ANK3: variants seen among roughly 807,000 people sequenced by gnomAD.
ANK3 encodes the protein ankyrin-3.
ANK3 carries 57 observed loss-of-function variants against 370.9 expected under a neutral mutation model. That is an observed-to-expected ratio of 0.15 (90% CI 0.12 to 0.19). ANK3 has a LOEUF of 0.19. ANK3 is among the 10% of genes least tolerant of loss of function. The pLI is 1.00. For synonymous variants in ANK3, 1,929 were observed against 1,946.3 expected (o/e 0.99, Z 0.23); for missense variants, 4,439 against 5,302.1 (o/e 0.84, Z 5.06).
chr10:60,098,507 C>A (rs2090578020), intron 28 of ANK3, among the ~76,000 whole-genome samples: 1 of 152,068 alleles, frequency 6.6e-6, no homozygotes, highest in Non-Finnish European at 1.5e-5. Context: ...GTTTAGAAAA[C>A]TACAGGCATT....
chr10:60,710,890 C>A (rs139429036), intron 1 of ANK3, among the ~76,000 whole-genome samples: 6 of 152,182 alleles, frequency 3.9e-5, no homozygotes, highest in Admixed American at 3.9e-4. Flanking sequence ...CTCAACTAGT[C>A]TGGCAGAAAG....
chr10:60,608,901 A>G (rs2078164742), intron 2 of ANK3, among the ~76,000 whole-genome samples: 1 of 152,154 alleles, frequency 6.6e-6, no homozygotes, highest in South Asian at 2.1e-4. Context: ...CTGAACTGTA[A>G]AGCATCTTTT....
chr10:60,079,214 C>CACACACACAG (rs1198511101), intron 36 of ANK3, among the ~76,000 whole-genome samples: 1 of 150,922 alleles, frequency 6.6e-6, no homozygotes, highest in African/African-American at 2.4e-5. Flanking sequence ...CACACACACA[C>CACACACACAG]ACACACACAC....
At chr10:60,352,642 C>A (rs1278984718) in intron 1 of ANK3, among the ~76,000 whole-genome samples, 2 of 152,164 alleles carry the variant, frequency 1.3e-5, no homozygotes, top group Admixed American at 6.5e-5. Flanking sequence ...TAACTCTACA[C>A]CATCCTTGGA....
intron 43 of ANK3, among the ~76,000 whole-genome samples, chr10:60,038,818 G>T (rs564574779): frequency 6.6e-6 from 1 of 152,240 alleles, no homozygotes; most frequent in South Asian, 2.1e-4. Context: ...ATCATGCACT[G>T]ATCTATCATT....
intron 23 of ANK3, among the ~76,000 whole-genome samples, chr10:60,142,131 C>A (rs1460917006): frequency 1.3e-5 from 2 of 152,134 alleles, no homozygotes; most frequent in Non-Finnish European, 2.9e-5. Context: ...ATGTTCCTTC[C>A]ACTGACTTCT....
intron 23 of ANK3, chr10:60,139,351 C>T (rs749004346): frequency 7.3e-6 from 3 of 412,554 alleles, no homozygotes; most frequent in Non-Finnish European, 1.3e-5. Flanking sequence ...TATCCCTTTG[C>T]TTCCCTGTAA....
chr10:60,309,834 C>T (rs937710327), intron 1 of ANK3, among the ~76,000 whole-genome samples: 2 of 151,776 alleles, frequency 1.3e-5, no homozygotes, highest in African/African-American at 4.8e-5. Flanking sequence ...CAAAATCAAT[C>T]ATCCCAGAAT....
At chr10:60,149,688 A>G (rs1281145810) in intron 23 of ANK3, among the ~76,000 whole-genome samples, 1 of 152,158 alleles carries the variant, frequency 6.6e-6, no homozygotes, top group African/African-American at 2.4e-5. Context: ...TGAGGTCACC[A>G]AGGATTCCCA....
At chr10:60,354,010 G>T (rs539536937) in intron 1 of ANK3, among the ~76,000 whole-genome samples, 2 of 152,220 alleles carry the variant, frequency 1.3e-5, no homozygotes, top group Non-Finnish European at 2.9e-5. Flanking sequence ...CATGGAGGCC[G>T]TGTTGCCTCC....
At chr10:60,543,386 G>T (rs913678611) in intron 2 of ANK3, among the ~76,000 whole-genome samples, 4 of 152,050 alleles carry the variant, frequency 2.6e-5, no homozygotes. Context: ...AAAAGCTAAA[G>T]ATTGGAAGTG....
At chr10:60,607,116 T>C (rs961582914) in intron 2 of ANK3, among the ~76,000 whole-genome samples, 1 of 152,194 alleles carries the variant, frequency 6.6e-6, no homozygotes, top group African/African-American at 2.4e-5. Flanking sequence ...CCTGTCCATA[T>C]ATATGCACTC....
intron 40 of ANK3, chr10:60,059,681 G>A (rs2079952912): frequency 6.3e-7 from 1 of 1,599,766 alleles, no homozygotes. Flanking sequence ...AATTTCCAAG[G>A]TATTGAGGAT....
At chr10:60,384,002 T>C (rs1189936151) in intron 1 of ANK3, among the ~76,000 whole-genome samples, 1 of 152,208 alleles carries the variant, frequency 6.6e-6, no homozygotes, top group African/African-American at 2.4e-5. Flanking sequence ...AGTGGTTAAA[T>C]ACAGAACCCA....
chr10:60,208,019 C>T lies in ANK3; in HGVS notation c.1194+17G>A, dbSNP rs776346396. Reference sequence around the variant, plus strand: ...AGCAAGACAACTGAGGCTGGACTCGCTGGTTGAGCCACTCACCAGGGCTTT... The same window carrying T: ...AGCAAGACAACTGAGGCTGGACTCGTTGGTTGAGCCACTCACCAGGGCTTT... On this transcript the variant is annotated intron_variant, in intron 10 of 43. Coordinates refer to ENST00000280772, the MANE Select transcript of ANK3 (RefSeq NM_020987.5). 6.8e-6 allele frequency: 11 copies of T among 1,611,186 alleles called. No homozygotes were observed. Among genetic ancestry groups the T allele is most frequent in the Non-Finnish European group, 9.3e-6 (11 of 1,178,406 alleles).
intron 1 of ANK3, among the ~76,000 whole-genome samples, chr10:60,680,249 C>T (rs2079177881): frequency 6.6e-6 from 1 of 152,160 alleles, no homozygotes; most frequent in African/African-American, 2.4e-5. Flanking sequence ...GAATTACTTC[C>T]TCTAAGGAGA....
chr10:60,076,412 G>C lies in ANK3; in HGVS notation c.4469C>G (p.Thr1490Ser), dbSNP rs773904676. Residue 1490 changes from threonine (T) to serine (S), a missense_variant, in exon 37 of 44, where the codon ACC becomes AGC. Thr to Ser is a moderately conservative substitution (Grantham distance 58, BLOSUM62 1). Coordinates refer to ENST00000280772, the MANE Select transcript of ANK3 (RefSeq NM_020987.5). ...RSTGATRSLP[T>S]TYSYKPFFST... Reference sequence around the variant, plus strand: ...AAAGAATGGCTTGTATGAGTAAGTGGTGGGGAGGGATCTTGTTGCTCCTGT... The same window carrying C: ...AAAGAATGGCTTGTATGAGTAAGTGCTGGGGAGGGATCTTGTTGCTCCTGT... 1.9e-6 allele frequency: 3 copies of C among 1,612,678 alleles called. No individual in the cohort carries two copies. The South Asian group carries it at 3.3e-5, about 18-fold the overall frequency.
chr10:60,338,291 C>T (rs2053485057), intron 1 of ANK3, among the ~76,000 whole-genome samples: 1 of 152,116 alleles, frequency 6.6e-6, no homozygotes, highest in South Asian at 2.1e-4. Context: ...ATACTTTAGC[C>T]AGTACTTAGA....
chr10:60,525,317 T>C (rs1315475335), intron 2 of ANK3, among the ~76,000 whole-genome samples: 2 of 152,142 alleles, frequency 1.3e-5, no homozygotes, highest in Non-Finnish European at 2.9e-5. Flanking sequence ...TAGTCACAGC[T>C]GTCCTTCAGC....
Sources: allele counts gnomAD v4.1 joint callset (sites outside exome capture counted in the v4.1 genomes callset), GRCh38; gene constraint gnomAD v4.1.1; transcripts MANE v1.5; gene names NCBI Gene and HGNC (gene_info 2026-07-23, HGNC 2026-07-21).